Variants in RPH3A observed in about 807,000 individuals in gnomAD.
The protein encoded by RPH3A is rabphilin 3A.
RPH3A carries 48 observed loss-of-function variants against 102.2 expected under a neutral mutation model. The observed-to-expected ratio is 0.47, with a 90% CI of 0.37 to 0.60. The LOEUF (loss-of-function observed/expected upper bound fraction) is 0.60. Ranked by LOEUF, RPH3A falls within the 20% of genes least tolerant of loss-of-function variation. The pLI, the probability that RPH3A is intolerant of heterozygous loss-of-function variation, is 0.00. For synonymous variants in RPH3A, 310 were observed against 324.3 expected, an observed-to-expected ratio of 0.96 and a Z score of 0.47; for missense variants, 781 against 910.1, an observed-to-expected ratio of 0.86 and a Z score of 1.83.
intron 1 of RPH3A, among the ~76,000 whole-genome samples, chr12:112,665,525 T>G (rs2040078291): frequency 6.6e-6 from 1 of 152,176 alleles, no homozygotes; most frequent in South Asian, 2.1e-4. Flanking sequence ...ATAATTGTCC[T>G]TATCTTAGAG....
intron 1 of RPH3A, among the ~76,000 whole-genome samples, chr12:112,785,719 G>A (rs1391146728): frequency 6.6e-6 from 1 of 152,158 alleles, no homozygotes; most frequent in African/African-American, 2.4e-5. Context: ...GGGAGGTTTA[G>A]TAACTTCCTC....
intron 1 of RPH3A, among the ~76,000 whole-genome samples, chr12:112,784,896 A>G (rs1334772878): frequency 6.6e-6 from 1 of 152,166 alleles, no homozygotes; most frequent in Non-Finnish European, 1.5e-5. Context: ...GTGTTTTGGT[A>G]CTCACTGGCT....
chr12:112,804,248 G>T (rs1272852621), intron 2 of RPH3A, among the ~76,000 whole-genome samples: 1 of 152,074 alleles, frequency 6.6e-6, no homozygotes, highest in Non-Finnish European at 1.5e-5. Flanking sequence ...AAGCATAGTG[G>T]GTCCACCGGG....
At chr12:112,856,085 T>G (rs1262507199) in intron 5 of RPH3A, among the ~76,000 whole-genome samples, 1 of 152,202 alleles carries the variant, frequency 6.6e-6, no homozygotes, top group African/African-American at 2.4e-5. Context: ...GAACCCCAGC[T>G]TTTGGCCATT....
intron 1 of RPH3A, among the ~76,000 whole-genome samples, chr12:112,778,514 GA>G (rs1364855933): frequency 6.6e-6 from 1 of 152,020 alleles, no homozygotes; most frequent in Non-Finnish European, 1.5e-5. Flanking sequence ...TTTTTAGTTG[GA>G]ACACAATTTG....
At position 112,896,630 on chromosome 12, in the gene RPH3A, T is replaced by A; in HGVS notation, c.1955-20T>A. On this transcript the variant is annotated intron_variant, in intron 21 of 21. Coordinates refer to ENST00000389385, the MANE Select transcript of RPH3A (RefSeq NM_001143854.2). ...CCTCTATTCTGACCACCTGCTCCTA[T>A]CTTCCCATTTATCCTCCAGGAGGCT... 5 of 1,613,920 alleles carry A rather than the reference T, an allele frequency of 3.1e-6. No individual in the cohort carries two copies. The highest frequency in any genetic ancestry group is 4.2e-6 in the Non-Finnish European group (5 of 1,179,870).
At chr12:112,687,581 G>T (rs934256871) in intron 1 of RPH3A, among the ~76,000 whole-genome samples, 1 of 152,200 alleles carries the variant, frequency 6.6e-6, no homozygotes, top group African/African-American at 2.4e-5. Context: ...TGTCTACCAC[G>T]TGTGCTATCA....
chr12:112,694,629 C>T (rs991947008), intron 1 of RPH3A, among the ~76,000 whole-genome samples: 7 of 119,524 alleles, frequency 5.9e-5, no homozygotes, highest in Admixed American at 3.6e-4. Context: ...CAAAGACACA[C>T]GCACGCGCGC....
chr12:112,890,858 C>A lies in RPH3A; in HGVS notation c.1630C>A (p.Arg544Ser), dbSNP rs200351371. The change falls in exon 19 of 22, where the codon CGT becomes AGT. Residue 544 changes from arginine (R) to serine (S), a missense_variant. Arg to Ser is a moderately radical substitution (Grantham distance 110, BLOSUM62 -1). Transcript: ENST00000389385. The part of the protein sequence containing the change: ...MALYEEEQVE[R>S]VGDIEERGKI... ...TTTTCCCCCAATGCAGCAGGTGGAG[C>A]GTGTTGGTGACATCGAGGAGCGTGG... The A allele has an allele frequency of 3.1e-6, 5 of 1,613,402 alleles. No homozygotes were observed. Among genetic ancestry groups the A allele is most frequent in the Admixed American group, 1.7e-5 (1 of 59,902 alleles).
chr12:112,889,880 G>C, intron 17 of RPH3A, 144 bp from the exon 18 acceptor site: 1 of 699,156 alleles, frequency 1.4e-6, no homozygotes, highest in East Asian at 2.5e-5. Context: ...CTAAAAGGGA[G>C]AATGCAGGAG....
At position 112,890,926 on chromosome 12, in the gene RPH3A, C is replaced by G; in HGVS notation, c.1698C>G (p.Gly566=). Residue 566 remains glycine (G), a synonymous_variant, in exon 19 of 22, where the codon GGC becomes GGG. Coordinates refer to ENST00000389385, the MANE Select transcript of RPH3A (RefSeq NM_001143854.2). The stretch of plus-strand genomic sequence containing the variant: ...TCATGTACAGCACACAGCAGGGAGG[C>G]CTCATTGTGGGCATCATACGCTGCG... ...VSLMYSTQQG[G]LIVGIIRCVH... 1 of 1,614,142 alleles carries G rather than the reference C, an allele frequency of 6.2e-7. No homozygotes were observed.
intron 1 of RPH3A, among the ~76,000 whole-genome samples, chr12:112,712,554 A>G (rs1215575379): frequency 6.6e-6 from 1 of 152,190 alleles, no homozygotes; most frequent in Non-Finnish European, 1.5e-5. Flanking sequence ...AAGAACTAAG[A>G]TGCTACTGAA....
In RPH3A at chr12:112,868,031, G is replaced by GAAA. The variant is rs559922877; in HGVS notation, c.445-399_445-398insAAA. The GAAA allele has an allele frequency of 4.7e-5, 8 of 170,072 alleles. No individual in the cohort carries two copies. In the East Asian group the frequency reaches 8.0e-4, roughly 17 times the overall value. The allele number at this position is 170,072 out of a possible 1,614,324, so 10.5% of individuals were successfully genotyped here. Reference sequence around the variant, plus strand: ...CCACAGGGCCAGGAGAAAGGCCAGAGGTCTTGGGGAAGTTGTAGGTAGATC... The same window carrying GAAA: ...CCACAGGGCCAGGAGAAAGGCCAGAGAAAGTCTTGGGGAAGTTGTAGGTAGATC... On this transcript the variant is annotated intron_variant, in intron 7 of 21. Coordinates refer to ENST00000389385, the MANE Select transcript of RPH3A (RefSeq NM_001143854.2).
intron 1 of RPH3A, among the ~76,000 whole-genome samples, chr12:112,634,215 G>A (rs2039829335): frequency 1.0e-5 from 1 of 98,202 alleles, no homozygotes; most frequent in African/African-American, 4.6e-5. Flanking sequence ...GGGCGTAGTG[G>A]CGGGCGCCTG....
chr12:112,863,077 A>AC (rs941068703), intron 5 of RPH3A, among the ~76,000 whole-genome samples: 3 of 150,812 alleles, frequency 2.0e-5, no homozygotes, highest in East Asian at 2.0e-4. Context: ...GTGGGAAGTG[A>AC]CCCCCCCAAA....
chr12:112,711,470 A>T (rs2040461428), intron 1 of RPH3A, among the ~76,000 whole-genome samples: 2 of 152,164 alleles, frequency 1.3e-5, no homozygotes, highest in African/African-American at 4.8e-5. Flanking sequence ...AAATGATAGC[A>T]ATGCAATATA....
At chr12:112,819,785 C>T (rs973241534) in intron 2 of RPH3A, among the ~76,000 whole-genome samples, 1 of 152,228 alleles carries the variant, frequency 6.6e-6, no homozygotes, top group South Asian at 2.1e-4. Context: ...ACAGCTGTGG[C>T]CTCTTGCCTT....
At chr12:112,847,868 C>G in intron 5 of RPH3A, 26 bp downstream of exon 5, 1 of 1,610,190 alleles carries the variant, frequency 6.2e-7, no homozygotes, top group Non-Finnish European at 8.5e-7. Flanking sequence ...TCCCATTCAC[C>G]CCAGAGCTGC....
At chr12:112,636,044 A>C (rs2039846773) in intron 1 of RPH3A, among the ~76,000 whole-genome samples, 1 of 152,236 alleles carries the variant, frequency 6.6e-6, no homozygotes, top group Admixed American at 6.5e-5. Flanking sequence ...ACATGATATA[A>C]GCTTATTTCT....
Sources: gnomAD v4.1 joint callset for allele counts (sites outside exome capture counted in the v4.1 genomes callset) on GRCh38, gnomAD v4.1.1 for gene constraint, MANE v1.5 for transcripts, NCBI Gene and HGNC (gene_info 2026-07-23, HGNC 2026-07-21) for gene names.